Variants in NME7 observed in about 807,000 individuals in gnomAD.
NME7 encodes nucleoside diphosphate kinase 7.
A neutral mutation model predicts 49.1 loss-of-function variants in NME7; 41 were observed. That is an observed-to-expected ratio of 0.83 (90% CI 0.65 to 1.08). The LOEUF is 1.08. Ranked by LOEUF, NME7 falls within the 50% of genes least tolerant of loss-of-function variation. The pLI, the probability that NME7 is intolerant of heterozygous loss-of-function variation, is 0.00. For synonymous variants in NME7, 139 were observed against 150.6 expected (o/e 0.92, Z 0.56); for missense variants, 423 against 463.4 (o/e 0.91, Z 0.80).
At chr1:169,325,993 A>G (rs2101940902) in intron 1 of NME7, among the ~76,000 whole-genome samples, 1 of 152,190 alleles carries the variant, frequency 6.6e-6, no homozygotes, top group East Asian at 1.9e-4. Flanking sequence ...TCACCTACAA[A>G]TAAAAATTTA....
chr1:169,220,090 C>G (rs547590466), intron 10 of NME7, among the ~76,000 whole-genome samples: 5 of 152,128 alleles, frequency 3.3e-5, no homozygotes, highest in Admixed American at 2.6e-4. Context: ...TCCCCAACCT[C>G]TATACTTTAG....
At chr1:169,345,896 G>A (rs1215652834) in intron 1 of NME7, among the ~76,000 whole-genome samples, 2 of 151,960 alleles carry the variant, frequency 1.3e-5, no homozygotes, top group African/African-American at 2.4e-5. Context: ...CCAGTCTTCC[G>A]CATCTTAGTT....
At chr1:169,333,734 A>C (rs1293270133) in intron 1 of NME7, among the ~76,000 whole-genome samples, 4 of 152,034 alleles carry the variant, frequency 2.6e-5, no homozygotes, top group Non-Finnish European at 5.9e-5. Context: ...GCTCTTAGAC[A>C]CTCTCCTTAA....
At chr1:169,351,556 A>G (rs1458521065) in intron 1 of NME7, among the ~76,000 whole-genome samples, 1 of 151,996 alleles carries the variant, frequency 6.6e-6, no homozygotes, top group Non-Finnish European at 1.5e-5. Context: ...AACCAAAATT[A>G]GAGGAAAAGA....
At chr1:169,347,197 C>T (rs2101970447) in intron 1 of NME7, among the ~76,000 whole-genome samples, 1 of 152,162 alleles carries the variant, frequency 6.6e-6, no homozygotes, top group East Asian at 1.9e-4. Context: ...GAGACGCCAT[C>T]TCTAAAAATG....
intron 7 of NME7, among the ~76,000 whole-genome samples, chr1:169,247,950 G>A (rs529994249): frequency 2.6e-4 from 39 of 152,124 alleles, no homozygotes; most frequent in Non-Finnish European, 8.8e-5. Context: ...AAACATATGC[G>A]TGCAAGTGTC....
chr1:169,169,324 C>G, intron 11 of NME7, 123 bp downstream of exon 11: 1 of 799,228 alleles, frequency 1.3e-6, no homozygotes, highest in Non-Finnish European at 2.0e-6. Context: ...ACTGCACTCT[C>G]TGCACATGTA....
intron 7 of NME7, chr1:169,285,155 G>T (rs1489232683): frequency 7.3e-5 from 11 of 150,706 alleles, no homozygotes; most frequent in Non-Finnish European, 8.9e-5. Context: ...TTTTTTTTTT[G>T]ATTTTGAAAT....
chr1:169,135,014 C>CAAAAAAAAAAAAAAAAAAA lies in NME7; in HGVS notation c.1099-2216_1099-2198dup, dbSNP rs58463903. Among the ~76,000 whole-genome samples, 7 of 50,390 alleles carry CAAAAAAAAAAAAAAAAAAA rather than the reference C, an allele frequency of 1.4e-4. 1 individual carries two copies. The highest frequency in any genetic ancestry group is 3.6e-4 in the African/African-American group (5 of 13,756). 33.1% of individuals were successfully genotyped at this position (50,390 alleles called of 152,430 possible). On this transcript the variant is annotated intron_variant, in intron 11 of 11. Transcript: ENST00000367811. Reference sequence around the variant, plus strand: ...ACATAAGGAGATCCCCCCGTCTCTACAAAAAAAAAAAAAAAAAAAAAAAAA... The same window carrying CAAAAAAAAAAAAAAAAAAA: ...ACATAAGGAGATCCCCCCGTCTCTACAAAAAAAAAAAAAAAAAAAAAAAAAAAAAAAAAAAAAAAAAAAA...
At chr1:169,263,771 C>CGAG in intron 7 of NME7, among the ~76,000 whole-genome samples, 2 of 130,960 alleles carry the variant, frequency 1.5e-5, no homozygotes, top group Non-Finnish European at 3.6e-5. Context: ...CAAGATACTT[C>CGAG]AAGATCACCC....
chr1:169,328,502 A>G (rs952680899), intron 1 of NME7, among the ~76,000 whole-genome samples: 1 of 152,210 alleles, frequency 6.6e-6, no homozygotes, highest in Non-Finnish European at 1.5e-5. Context: ...GTGATGATGC[A>G]GCCTCAGCTG....
intron 7 of NME7, chr1:169,286,324 A>T (rs911001388): frequency 6.6e-6 from 1 of 152,052 alleles, no homozygotes; most frequent in Non-Finnish European, 1.5e-5. Flanking sequence ...TACTATATAC[A>T]TGGATTACTT....
intron 7 of NME7, among the ~76,000 whole-genome samples, chr1:169,247,546 T>C (rs921279189): frequency 6.6e-6 from 1 of 152,164 alleles, no homozygotes; most frequent in Non-Finnish European, 1.5e-5. Flanking sequence ...GGATGAATTA[T>C]ATAGTGGTGA....
intron 11 of NME7, among the ~76,000 whole-genome samples, chr1:169,168,270 C>T (rs1016451864): frequency 2.6e-5 from 4 of 152,178 alleles, no homozygotes; most frequent in Admixed American, 2.6e-4. Flanking sequence ...TTTAAGTAAA[C>T]TTTCACTCCT....
At chr1:169,241,193 A>C (rs182136207) in intron 7 of NME7, among the ~76,000 whole-genome samples, 3 of 152,228 alleles carry the variant, frequency 2.0e-5, no homozygotes, top group Admixed American at 2.0e-4. Flanking sequence ...ATCAAAAAGT[A>C]ATAAAATTAT....
chr1:169,320,536 T>C (rs1457961777), intron 3 of NME7, among the ~76,000 whole-genome samples: 1 of 152,224 alleles, frequency 6.6e-6, no homozygotes, highest in African/African-American at 2.4e-5. Flanking sequence ...AATCGGTTGT[T>C]ACATAGAAGG....
At chr1:169,193,424 A>G (rs1411213131) in intron 10 of NME7, among the ~76,000 whole-genome samples, 1 of 152,168 alleles carries the variant, frequency 6.6e-6, no homozygotes, top group African/African-American at 2.4e-5. Context: ...GAACTGAAAC[A>G]TGGCACTGGT....
At chr1:169,283,144 T>C (rs1156624394) in intron 7 of NME7, among the ~76,000 whole-genome samples, 1 of 152,192 alleles carries the variant, frequency 6.6e-6, no homozygotes, top group African/African-American at 2.4e-5. Flanking sequence ...ATTGGGTGCA[T>C]ACATATTTAG....
intron 11 of NME7, among the ~76,000 whole-genome samples, chr1:169,167,602 A>AT (rs1400068294): frequency 6.6e-6 from 1 of 152,080 alleles, no homozygotes; most frequent in African/African-American, 2.4e-5. Context: ...AACTGGACCC[A>AT]TTTTCACTTA....
Sources: gnomAD v4.1 joint callset for allele counts (sites outside exome capture counted in the v4.1 genomes callset) on GRCh38, gnomAD v4.1.1 for gene constraint, MANE v1.5 for transcripts, NCBI Gene and HGNC (gene_info 2026-07-23, HGNC 2026-07-21) for gene names.